ALPK1: variants seen among roughly 807,000 people sequenced by gnomAD.
The protein encoded by ALPK1 is alpha kinase 1.
In ALPK1, 110 loss-of-function variants were observed where a neutral mutation model predicts 120.6. That is an observed-to-expected ratio of 0.91 (90% CI 0.78 to 1.07). The LOEUF is 1.07. Among genes scored for constraint, ALPK1 ranks in the 50% least tolerant of loss-of-function variants. The pLI is 0.00. For missense variants in ALPK1, 1,498 were observed against 1,483.9 expected (o/e 1.01, Z -0.16); for synonymous variants, 582 against 560.3 (o/e 1.04, Z -0.55).
intron 14 of ALPK1, 93 bp from the exon 15 acceptor site, chr4:112,440,824 T>TGTGC: frequency 6.7e-7 from 1 of 1,500,978 alleles, no homozygotes; most frequent in South Asian, 1.4e-5. Context: ...TGTGTGTGTG[T>TGTGC]GTGTGTGTGT....
intron 2 of ALPK1, among the ~76,000 whole-genome samples, chr4:112,367,917 T>C (rs1731229375): frequency 6.6e-6 from 1 of 152,240 alleles, no homozygotes; most frequent in South Asian, 2.1e-4. Flanking sequence ...TTTTTTTCTT[T>C]TGGAGACGGA....
At chr4:112,305,153 C>A (rs1401421356) in intron 1 of ALPK1, among the ~76,000 whole-genome samples, 3 of 151,956 alleles carry the variant, frequency 2.0e-5, no homozygotes, top group Non-Finnish European at 2.9e-5. Flanking sequence ...GTTACCGTAG[C>A]CTTGTAGTAT....
chr4:112,424,057 C>T, intron 6 of ALPK1, 54 bp downstream of exon 6: 1 of 1,536,270 alleles, frequency 6.5e-7, no homozygotes, highest in African/African-American at 1.4e-5. Context: ...GAACAGAGCA[C>T]TCATTTAATA....
At chr4:112,432,750 G>A (rs189960624) in intron 11 of ALPK1, among the ~76,000 whole-genome samples, 169 bp downstream of exon 11, 292 of 152,266 alleles carry the variant, frequency 1.9e-3, no homozygotes, top group African/African-American at 6.7e-3. Context: ...CACTCTGTGC[G>A]ATGGACCTTA....
In ALPK1 at chr4:112,338,129, G is replaced by A. The variant is rs528071281; in HGVS notation, c.-101+22277G>A. On this transcript the variant is annotated intron_variant, in intron 2 of 15. Transcript: ENST00000650871. ...TTACAGACGCACGCCACCATGCCCA[G>A]CTAATTTTTGTATTTTTAGTAGAGA... Among the ~76,000 whole-genome samples, 5 of 152,182 alleles carry A rather than the reference G, an allele frequency of 3.3e-5. No individual in the cohort carries two copies. In the South Asian group the frequency reaches 1.0e-3, roughly 32 times the overall value.
At chr4:112,377,193 T>C (rs1455735833) in intron 2 of ALPK1, among the ~76,000 whole-genome samples, 1 of 152,190 alleles carries the variant, frequency 6.6e-6, no homozygotes, top group African/African-American at 2.4e-5. Context: ...GCATTTGTCA[T>C]TGCCTATCTT....
intron 5 of ALPK1, among the ~76,000 whole-genome samples, chr4:112,420,293 T>C (rs1363205247): frequency 6.6e-6 from 1 of 152,246 alleles, no homozygotes; most frequent in African/African-American, 2.4e-5. Context: ...TTGGTGATCA[T>C]TTGCTTTGCA....
At chr4:112,428,326 A>G (rs191852318) in intron 9 of ALPK1, among the ~76,000 whole-genome samples, 8 of 152,310 alleles carry the variant, frequency 5.3e-5, no homozygotes, top group African/African-American at 1.9e-4. Flanking sequence ...TGCTCTTCAC[A>G]CTGTGCTTAA....
intron 5 of ALPK1, among the ~76,000 whole-genome samples, chr4:112,416,921 T>C (rs60320869): frequency 0.25 from 37,349 of 149,998 alleles, 5,391 homozygotes; most frequent in East Asian, 0.63. Flanking sequence ...AGACCATACC[T>C]AGTGTGGTAA....
intron 4 of ALPK1, among the ~76,000 whole-genome samples, chr4:112,406,417 G>T (rs955750911): frequency 8.5e-5 from 13 of 152,172 alleles, no homozygotes; most frequent in African/African-American, 3.1e-4. Context: ...ATCTAAAGTG[G>T]TCAACTTCAT....
At chr4:112,324,070 G>A (rs190768029) in intron 2 of ALPK1, among the ~76,000 whole-genome samples, 135 of 152,178 alleles carry the variant, frequency 8.9e-4, no homozygotes, top group African/African-American at 2.9e-3. Context: ...GCTCATGCCT[G>A]TAATCCCAGC....
At chr4:112,384,832 T>C (rs1732078860) in intron 4 of ALPK1, 2 of 148,854 alleles carry the variant, frequency 1.3e-5, no homozygotes, top group African/African-American at 5.1e-5. Context: ...AGGAGACCAA[T>C]CCAATAAAAA....
rs1196075550 is a variant in ALPK1, at chr4:112,339,536, TA to T, written c.-101+23691del. 1.6e-4 allele frequency among the ~76,000 whole-genome samples: 24 copies of T among 152,280 alleles called. No homozygotes were observed. In the South Asian group the frequency reaches 2.9e-3, roughly 18 times the overall value. ...AGTCTTCTTTATAACACTTTTCTTTTAAAAAAATAATTTAAACATTATTAAA... is the reference window on the plus strand; with the variant it reads ...AGTCTTCTTTATAACACTTTTCTTTTAAAAAATAATTTAAACATTATTAAA... On this transcript the variant is annotated intron_variant, in intron 2 of 15. Transcript: ENST00000650871.
At chr4:112,357,410 C>A in intron 2 of ALPK1, 1 of 692,764 alleles carries the variant, frequency 1.4e-6, no homozygotes. Flanking sequence ...TGATGCCAGT[C>A]ACCAGAGGGT....
chr4:112,367,097 G>A (rs532450214), intron 2 of ALPK1, among the ~76,000 whole-genome samples: 14 of 152,222 alleles, frequency 9.2e-5, no homozygotes, highest in Admixed American at 2.0e-4. Context: ...TGGGTACAGT[G>A]TACAGTGTTC....
chr4:112,387,609 C>G (rs1385079139), intron 4 of ALPK1, among the ~76,000 whole-genome samples: 1 of 152,130 alleles, frequency 6.6e-6, no homozygotes, highest in East Asian at 1.9e-4. Context: ...AATGGGTAAT[C>G]TGATAGCCCT....
At chr4:112,329,914 G>T (rs1215366162) in intron 2 of ALPK1, among the ~76,000 whole-genome samples, 1 of 152,168 alleles carries the variant, frequency 6.6e-6, no homozygotes, top group Non-Finnish European at 1.5e-5. Flanking sequence ...GTTGCTAAGG[G>T]GAAGCCACAA....
At chr4:112,355,951 G>A (rs531173294) in intron 2 of ALPK1, among the ~76,000 whole-genome samples, 1 of 152,366 alleles carries the variant, frequency 6.6e-6, no homozygotes, top group African/African-American at 2.4e-5. Flanking sequence ...GCTGGCCGGG[G>A]AGACAAGAGA....
intron 12 of ALPK1, 81 bp from the exon 13 acceptor site, chr4:112,438,403 G>A: frequency 7.7e-7 from 1 of 1,305,810 alleles, no homozygotes; most frequent in Non-Finnish European, 1.1e-6. Flanking sequence ...TTCTGCATAT[G>A]TCTTTTGATC....
Sources: allele counts gnomAD v4.1 joint callset (sites outside exome capture counted in the v4.1 genomes callset), GRCh38; gene constraint gnomAD v4.1.1; transcripts MANE v1.5; gene names NCBI Gene and HGNC (gene_info 2026-07-23, HGNC 2026-07-21).